The following MAP1B variants were observed in gnomAD, a reference collection of about 807,000 sequenced individuals.
MAP1B encodes the protein microtubule-associated protein 1B.
In MAP1B, 12 loss-of-function variants were observed where a neutral mutation model predicts 176.1. The observed-to-expected ratio is 0.07, with a 90% CI of 0.04 to 0.11. The LOEUF (loss-of-function observed/expected upper bound fraction) is 0.11. Among genes scored for constraint, MAP1B ranks in the 10% least tolerant of loss-of-function variants. MAP1B has a pLI of 1.00. For synonymous variants in MAP1B, 1,044 were observed against 1,135.0 expected (o/e 0.92, Z 1.61); for missense variants, 2,523 against 2,990.5 (o/e 0.84, Z 3.65).
chr5:72,107,635 G>A lies in MAP1B; in HGVS notation c.104G>A (p.Ser35Asn), dbSNP rs755590921. The A allele has an allele frequency of 1.9e-5, 30 of 1,600,390 alleles. No individual in the cohort carries two copies. The highest frequency in any genetic ancestry group is 2.5e-5 in the Non-Finnish European group (29 of 1,179,582). ...SPSLSHRFLD[S>N]KFYLLVVVGE... ...AGCCTGTCGCACCGCTTCCTTGACAGCAAGTTCTACTTGCTGGTGGTCGTC... is the reference window on the plus strand; with the variant it reads ...AGCCTGTCGCACCGCTTCCTTGACAACAAGTTCTACTTGCTGGTGGTCGTC... The change falls in exon 1 of 7, where the codon AGC (serine) becomes AAC (asparagine). Residue 35 changes from serine (S) to asparagine (N), a missense_variant. Transcript: ENST00000296755.
intron 2 of MAP1B, among the ~76,000 whole-genome samples, chr5:72,148,246 C>T (rs1746080572): frequency 6.6e-6 from 1 of 152,136 alleles, no homozygotes; most frequent in South Asian, 2.1e-4. Context: ...GAAAATTTCA[C>T]CCTGAGGCTG....
At chr5:72,122,090 A>C (rs1388987798) in intron 2 of MAP1B, among the ~76,000 whole-genome samples, 2 of 152,232 alleles carry the variant, frequency 1.3e-5, no homozygotes, top group African/African-American at 4.8e-5. Flanking sequence ...AAAATGACAA[A>C]TAGAGAGCAT....
intron 2 of MAP1B, among the ~76,000 whole-genome samples, chr5:72,117,373 AG>A (rs1172814972): frequency 2.0e-5 from 3 of 152,134 alleles, no homozygotes; most frequent in Non-Finnish European, 4.4e-5. Context: ...TTTTCTCTGT[AG>A]GTTGTTCTGG....
chr5:72,108,938 C>G (rs1358581158), intron 1 of MAP1B, among the ~76,000 whole-genome samples: 1 of 152,234 alleles, frequency 6.6e-6, no homozygotes, highest in Non-Finnish European at 1.5e-5. Context: ...TGGGGTGGTG[C>G]TGAAGCGTTT....
intron 2 of MAP1B, among the ~76,000 whole-genome samples, chr5:72,130,194 A>AC (rs5868627): frequency 0.88 from 133,700 of 151,116 alleles, 59,245 homozygotes; most frequent in Middle Eastern, 0.94. Flanking sequence ...GAAAAAAAAA[A>AC]AATGAACAAA....
intron 2 of MAP1B, among the ~76,000 whole-genome samples, chr5:72,124,423 T>A (rs1287438988): frequency 1.3e-5 from 2 of 152,212 alleles, no homozygotes; most frequent in Non-Finnish European, 2.9e-5. Context: ...AAATTGATGC[T>A]TATAGAAAAT....
At chr5:72,152,071 G>C (rs1265244086) in intron 2 of MAP1B, among the ~76,000 whole-genome samples, 1 of 152,084 alleles carries the variant, frequency 6.6e-6, no homozygotes, top group African/African-American at 2.4e-5. Context: ...ATCTCTCCAG[G>C]TTTTCCACTG....
chr5:72,113,376 A>AT, intron 1 of MAP1B, among the ~76,000 whole-genome samples: 1 of 152,320 alleles, frequency 6.6e-6, no homozygotes, highest in South Asian at 2.1e-4. Context: ...AATGAGAAAT[A>AT]TTTTTATCAG....
At chr5:72,116,157 C>T (rs1745434525) in intron 2 of MAP1B, 1 of 317,592 alleles carries the variant, frequency 3.1e-6, no homozygotes, top group Admixed American at 4.7e-5. Flanking sequence ...GTGTATCTCA[C>T]TGTACTCTGA....
Position 72,195,756 on chromosome 5 carries a change from A to T in MAP1B, c.2401A>T (p.Thr801Ser), listed in dbSNP as rs1417568629. ...AGAGGCTGTCGCTGCAGCTGTCGGC[A>T]CTGGAGCCACCACAGCAGCTGTCAT... Reference protein sequence around the residue: ...AAEAVAAAVGTGATTAAVMAA... With the variant: ...AAEAVAAAVGSGATTAAVMAA... The change falls in exon 5 of 7, where the codon ACT (threonine) becomes TCT (serine). Residue 801 changes from threonine (T) to serine (S), a missense_variant. Thr to Ser is a moderately conservative substitution (Grantham distance 58). This residue lies in a region of MAP1B where 1,925 missense variants were observed against 2,126.0 expected (regional missense o/e 0.91). Transcript: ENST00000296755. The T allele has an allele frequency of 1.1e-5, 17 of 1,614,152 alleles. No individual in the cohort carries two copies. Among genetic ancestry groups the T allele is most frequent in the Non-Finnish European group, 1.3e-5 (15 of 1,180,056 alleles).
At chr5:72,108,908 C>T (rs1745232888) in intron 1 of MAP1B, among the ~76,000 whole-genome samples, 1 of 152,228 alleles carries the variant, frequency 6.6e-6, no homozygotes, top group Non-Finnish European at 1.5e-5. Flanking sequence ...TCCGCAGCCC[C>T]AGCCCGCGCT....
At chr5:72,192,680 C>T (rs1747049131) in intron 4 of MAP1B, among the ~76,000 whole-genome samples, 1 of 152,190 alleles carries the variant, frequency 6.6e-6, no homozygotes, top group South Asian at 2.1e-4. Context: ...CAAATGAAAC[C>T]TTGGCTTTAC....
intron 2 of MAP1B, among the ~76,000 whole-genome samples, chr5:72,174,019 A>G (rs190114461): frequency 2.2e-4 from 34 of 152,330 alleles, no homozygotes; most frequent in Admixed American, 6.5e-4. Flanking sequence ...GGTCCCAGCT[A>G]TTCAGGAGGC....
chr5:72,196,702 C>T lies in MAP1B; in HGVS notation c.3347C>T (p.Thr1116Ile). The T allele has an allele frequency of 1.2e-6, 2 of 1,614,148 alleles. No individual in the cohort carries two copies. The highest frequency in any genetic ancestry group is 1.1e-5 in the South Asian group (1 of 91,082). Residue 1116 changes from threonine to isoleucine, a missense_variant, in exon 5 of 7, where the codon ACC becomes ATC. Coordinates refer to ENST00000296755, the MANE Select transcript of MAP1B (RefSeq NM_005909.5). This position sits in a 1 kb window ranked among gnomAD's most constrained non-coding sequence, Gnocchi z 5.3. ...REDQPEEFTA[T>I]SGYTQSTIEI... is the part of the protein sequence containing the mutation. ...GACCAGCCTGAGGAATTCACTGCCA[C>T]CTCTGGCTACACTCAGTCTACTATT...
In MAP1B at chr5:72,117,818, T is replaced by G. The variant is rs76355404; in HGVS notation, c.286+2019T>G. Reference sequence around the variant, plus strand: ...ATGAGTACGCTTTACAGGCCAAGGCTCCCCTCTGGGAATTAAGCATCTAGA... The same window carrying G: ...ATGAGTACGCTTTACAGGCCAAGGCGCCCCTCTGGGAATTAAGCATCTAGA... On this transcript the variant is annotated intron_variant, in intron 2 of 6. Coordinates refer to ENST00000296755, the MANE Select transcript of MAP1B (RefSeq NM_005909.5). 8.7e-3 allele frequency among the ~76,000 whole-genome samples: 1,326 copies of G among 152,232 alleles called. 19 individuals carry two copies. Among genetic ancestry groups the G allele is most frequent in the African/African-American group, 0.03 (1,233 of 41,526 alleles).
At chr5:72,120,668 C>T (rs1050416691) in intron 2 of MAP1B, among the ~76,000 whole-genome samples, 6 of 151,938 alleles carry the variant, frequency 3.9e-5, no homozygotes, top group Admixed American at 6.6e-5. Context: ...CCTCATCATC[C>T]GCCCACTTCA....
intron 2 of MAP1B, among the ~76,000 whole-genome samples, chr5:72,132,130 T>C (rs1352520287): frequency 6.6e-6 from 1 of 152,230 alleles, no homozygotes; most frequent in Non-Finnish European, 1.5e-5. Flanking sequence ...TTAAATCTAA[T>C]GAAGAACAGA....
Position 72,205,164 on chromosome 5 carries a change from C to T in MAP1B, c.7332C>T (p.Asn2444=). Residue 2444 remains asparagine (N), a synonymous_variant, in exon 7 of 7, where the codon AAC becomes AAT. Coordinates refer to ENST00000296755, the MANE Select transcript of MAP1B (RefSeq NM_005909.5). ...QETHEKQQDL[N]IMVLASSSTV... The stretch of plus-strand genomic sequence containing the variant: ...CCCATGAGAAACAGCAAGATCTCAA[C>T]ATCATGGTTTTAGCAAGCAGCAGCA... 3 of 1,613,770 alleles carry T rather than the reference C, an allele frequency of 1.9e-6. No individual in the cohort carries two copies. The highest frequency in any genetic ancestry group is 1.7e-6 in the Non-Finnish European group (2 of 1,179,804).
chr5:72,157,564 C>G (rs1746249565), intron 2 of MAP1B, among the ~76,000 whole-genome samples: 1 of 152,132 alleles, frequency 6.6e-6, no homozygotes, highest in Non-Finnish European at 1.5e-5. Context: ...TGGGGACTGA[C>G]TGGGGAGGAC....
Sources: gnomAD v4.1 joint callset for allele counts (sites outside exome capture counted in the v4.1 genomes callset) on GRCh38, gnomAD v4.1.1 for gene constraint, gnomAD v4.1.1 regional missense constraint, Gnocchi (gnomAD v3.1) non-coding constraint, MANE v1.5 for transcripts, NCBI Gene and HGNC (gene_info 2026-07-23, HGNC 2026-07-21) for gene names.